Variants in NAALADL2 observed in about 807,000 individuals in gnomAD.
The protein encoded by NAALADL2 is N-acetylated alpha-linked acidic dipeptidase like 2, also known as inactive N-acetylated-alpha-linked acidic dipeptidase-like protein 2.
Under a neutral mutation model 87.2 loss-of-function variants are expected in NAALADL2, and 76 were observed. The observed-to-expected ratio is 0.87, with a 90% CI of 0.72 to 1.05. NAALADL2 has a LOEUF of 1.05. Among genes scored for constraint, NAALADL2 ranks in the 50% least tolerant of loss-of-function variants. NAALADL2 has a pLI of 0.00. For missense variants in NAALADL2, 1,089 were observed against 945.8 expected (o/e 1.15, Z -1.99); for synonymous variants, 354 against 331.0 (o/e 1.07, Z -0.75).
intron 3 of NAALADL2, among the ~76,000 whole-genome samples, chr3:175,248,184 G>T (rs1748354495): frequency 6.6e-6 from 1 of 152,114 alleles, no homozygotes. Flanking sequence ...TTGAATTACT[G>T]TTCTACTATT....
At chr3:174,826,643 A>G (rs547972881) in intron 3 of NAALADL2, among the ~76,000 whole-genome samples, 5 of 152,304 alleles carry the variant, frequency 3.3e-5, no homozygotes, top group South Asian at 4.1e-4. Context: ...ACTTTTTTCA[A>G]TATCAGTTTT....
At chr3:175,253,200 C>G (rs1749357830) in intron 3 of NAALADL2, among the ~76,000 whole-genome samples, 1 of 152,152 alleles carries the variant, frequency 6.6e-6, no homozygotes, top group Non-Finnish European at 1.5e-5. Flanking sequence ...AAAGGTAAGG[C>G]TGACTCTCGT....
intron 1 of NAALADL2, among the ~76,000 whole-genome samples, chr3:174,904,624 A>G (rs1188551363): frequency 6.6e-6 from 1 of 151,876 alleles, no homozygotes; most frequent in Non-Finnish European, 1.5e-5. Context: ...TAAGTGGGAG[A>G]AAATTTTGCA....
At chr3:175,662,086 T>C (rs1017216085) in intron 11 of NAALADL2, among the ~76,000 whole-genome samples, 1 of 151,930 alleles carries the variant, frequency 6.6e-6, no homozygotes, top group Non-Finnish European at 1.5e-5. Context: ...AGGATAGACA[T>C]TGTAATGATT....
At chr3:174,897,466 A>T (rs1378773510) in intron 1 of NAALADL2, among the ~76,000 whole-genome samples, 1 of 152,252 alleles carries the variant, frequency 6.6e-6, no homozygotes, top group Non-Finnish European at 1.5e-5. Flanking sequence ...AAAACTAGAG[A>T]TATAATTTCA....
intron 3 of NAALADL2, among the ~76,000 whole-genome samples, chr3:174,814,473 T>A (rs1389224261): frequency 6.6e-6 from 1 of 152,134 alleles, no homozygotes; most frequent in East Asian, 1.9e-4. Context: ...TCTTTATATA[T>A]GAAATAATAT....
chr3:174,692,488 AT>A (rs373122567), intron 2 of NAALADL2, among the ~76,000 whole-genome samples: 2 of 152,004 alleles, frequency 1.3e-5, no homozygotes, highest in East Asian at 1.9e-4. Context: ...AACTTTGGCT[AT>A]TTTTTTGTAA....
rs147121303 is a variant in NAALADL2, at chr3:175,396,192, C to T, written c.1091-51037C>T. On this transcript the variant is annotated intron_variant, in intron 5 of 13. Transcript: ENST00000454872. ...TATGAAAGATGAATTTTCTTATGACCTTATGCGTACAGGACAAAATACAAT... is the reference window on the plus strand; with the variant it reads ...TATGAAAGATGAATTTTCTTATGACTTTATGCGTACAGGACAAAATACAAT... Among the ~76,000 whole-genome samples the T allele has an allele frequency of 4.9e-3, 741 of 152,158 alleles. 6 individuals are homozygous for T. The highest frequency in any genetic ancestry group is 0.015 in the African/African-American group (638 of 41,530).
intron 10 of NAALADL2, among the ~76,000 whole-genome samples, chr3:175,599,676 A>G (rs1414989944): frequency 6.6e-6 from 1 of 152,126 alleles, no homozygotes; most frequent in Admixed American, 6.5e-5. Context: ...ATGTGTGTGT[A>G]AATACAATCA....
chr3:175,214,503 C>T (rs186649043), intron 2 of NAALADL2, among the ~76,000 whole-genome samples: 263 of 152,272 alleles, frequency 1.7e-3, no homozygotes, highest in Non-Finnish European at 3.0e-3. Context: ...TTTGATAGAT[C>T]TATTCATGGC....
At chr3:174,630,231 C>A (rs1214684085) in intron 2 of NAALADL2, among the ~76,000 whole-genome samples, 1 of 151,936 alleles carries the variant, frequency 6.6e-6, no homozygotes, top group Non-Finnish European at 1.5e-5. Context: ...TTTTGACTTT[C>A]TTTGAAGTCA....
intron 6 of NAALADL2, among the ~76,000 whole-genome samples, chr3:175,462,398 A>G (rs1723280314): frequency 6.6e-6 from 1 of 152,194 alleles, no homozygotes; most frequent in Non-Finnish European, 1.5e-5. Context: ...TTATTATTTT[A>G]ATGGATTCAG....
At chr3:174,509,372 G>A (rs1422879581) in intron 1 of NAALADL2, among the ~76,000 whole-genome samples, 1 of 150,514 alleles carries the variant, frequency 6.6e-6, no homozygotes, top group Non-Finnish European at 1.5e-5. Flanking sequence ...GAGAGAGAGA[G>A]AGAGCGAGCT....
intron 2 of NAALADL2, among the ~76,000 whole-genome samples, chr3:175,187,719 T>C (rs1460975024): frequency 1.1e-4 from 16 of 152,166 alleles, no homozygotes; most frequent in African/African-American, 4.8e-5. Context: ...CCCATTAAGA[T>C]ATGTGAGAAT....
chr3:174,446,605 A>C (rs1420210877), intron 1 of NAALADL2, among the ~76,000 whole-genome samples: 1 of 152,040 alleles, frequency 6.6e-6, no homozygotes, highest in African/African-American at 2.4e-5. Flanking sequence ...GTGTATTTTC[A>C]TTTCAGTTTA....
intron 9 of NAALADL2, among the ~76,000 whole-genome samples, chr3:175,570,879 CA>C (rs553923028): frequency 0.22 from 17,135 of 77,876 alleles, 827 homozygotes; most frequent in Middle Eastern, 0.29. Flanking sequence ...GACTCCATCT[CA>C]AAAAAAAAAA....
chr3:174,616,255 G>A (rs1176148348), intron 2 of NAALADL2, among the ~76,000 whole-genome samples: 1 of 151,594 alleles, frequency 6.6e-6, no homozygotes, highest in African/African-American at 2.4e-5. Flanking sequence ...TTTTATTATG[G>A]CATTTATCCA....
At chr3:174,564,270 C>G (rs374955773) in intron 2 of NAALADL2, among the ~76,000 whole-genome samples, 11 of 152,192 alleles carry the variant, frequency 7.2e-5, no homozygotes, top group African/African-American at 2.6e-4. Flanking sequence ...ATGTTCAAGG[C>G]TCTGGATTGG....
chr3:175,016,588 A>G (rs1234552140), intron 1 of NAALADL2, among the ~76,000 whole-genome samples: 1 of 151,800 alleles, frequency 6.6e-6, no homozygotes, highest in East Asian at 1.9e-4. Context: ...TAATTTGTGT[A>G]TATACATATA....
Sources: gnomAD v4.1 joint callset for allele counts (sites outside exome capture counted in the v4.1 genomes callset) on GRCh38, gnomAD v4.1.1 for gene constraint, MANE v1.5 for transcripts, NCBI Gene and HGNC (gene_info 2026-07-23, HGNC 2026-07-21) for gene names.